The following HPSE2 variants were observed in gnomAD, a reference collection of about 807,000 sequenced individuals.
The protein encoded by HPSE2 is inactive heparanase-2.
A neutral mutation model predicts 60.5 loss-of-function variants in HPSE2; 38 were observed. That is an observed-to-expected ratio of 0.63 (90% CI 0.48 to 0.82). The LOEUF is 0.82. HPSE2 is among the 40% of genes least tolerant of loss of function. The probability of loss-of-function intolerance (pLI) is 0.00; values close to 1 mark genes in which losing one functional copy is unlikely to be tolerated. For synonymous variants in HPSE2, 295 were observed against 293.2 expected (o/e 1.01, Z -0.06); for missense variants, 713 against 740.4 (o/e 0.96, Z 0.43).
At chr10:98,780,613 C>G (rs1051263708) in intron 3 of HPSE2, among the ~76,000 whole-genome samples, 6 of 151,974 alleles carry the variant, frequency 3.9e-5, no homozygotes, top group Non-Finnish European at 8.8e-5. Flanking sequence ...GAAAGAGAAT[C>G]TAGGAGATCA....
intron 3 of HPSE2, among the ~76,000 whole-genome samples, chr10:98,986,142 C>G (rs1466343723): frequency 6.6e-6 from 1 of 152,268 alleles, no homozygotes; most frequent in Non-Finnish European, 1.5e-5. Context: ...CCAAGTGGAC[C>G]TAATAGACAT....
At chr10:99,241,580 G>T in the HPSE2 span, among the ~76,000 whole-genome samples, 1 of 152,128 alleles carries the variant, frequency 6.6e-6, no homozygotes, top group Non-Finnish European at 1.5e-5. Context: ...AACACAGTGA[G>T]ACTCTGTCTC....
At chr10:99,305,977 G>GCACACACACACA in the HPSE2 span, among the ~76,000 whole-genome samples, 436 of 53,674 alleles carry the variant, frequency 8.1e-3, 3 homozygotes, top group South Asian at 0.016. Flanking sequence ...GCGCGCGCGC[G>GCACACACACACA]CGCACACACA....
chr10:98,673,152 G>A (rs1003759246), intron 6 of HPSE2, among the ~76,000 whole-genome samples: 1 of 152,098 alleles, frequency 6.6e-6, no homozygotes, highest in Non-Finnish European at 1.5e-5. Context: ...TGTAATCTGA[G>A]GAATACAATC....
chr10:99,172,068 T>C (rs1048628722), intron 2 of HPSE2, among the ~76,000 whole-genome samples: 1 of 152,220 alleles, frequency 6.6e-6, no homozygotes, highest in Non-Finnish European at 1.5e-5. Context: ...GGAATGTACA[T>C]GTGCAGGTTT....
intron 9 of HPSE2, among the ~76,000 whole-genome samples, chr10:98,491,464 G>A (rs536788443): frequency 3.2e-4 from 48 of 152,258 alleles, no homozygotes; most frequent in African/African-American, 1.1e-3. Flanking sequence ...AAAAAGTGTT[G>A]TGGGTTTAAG....
At chr10:98,679,213 T>C (rs1474951735) in intron 6 of HPSE2, among the ~76,000 whole-genome samples, 1 of 152,176 alleles carries the variant, frequency 6.6e-6, no homozygotes, top group Non-Finnish European at 1.5e-5. Context: ...GAAAGGCAAT[T>C]AGACCTGCAG....
chr10:98,727,043 G>A (rs1202429248), intron 4 of HPSE2, among the ~76,000 whole-genome samples: 1 of 151,974 alleles, frequency 6.6e-6, no homozygotes, highest in Admixed American at 6.6e-5. Flanking sequence ...GTTGACTCAA[G>A]TGCAACCCCC....
At chr10:98,856,700 G>A (rs1952324352) in intron 3 of HPSE2, among the ~76,000 whole-genome samples, 1 of 152,142 alleles carries the variant, frequency 6.6e-6, no homozygotes, top group Admixed American at 6.5e-5. Context: ...ACTGTAAAAT[G>A]TTTAAAATGG....
intron 9 of HPSE2, among the ~76,000 whole-genome samples, chr10:98,522,930 G>C (rs1203011707): frequency 4.6e-5 from 7 of 152,192 alleles, no homozygotes; most frequent in Non-Finnish European, 1.5e-5. Context: ...TGCCAAACTG[G>C]ATCATTCCCA....
At chr10:99,309,556 G>A in the HPSE2 span, among the ~76,000 whole-genome samples, 1 of 152,132 alleles carries the variant, frequency 6.6e-6, no homozygotes, top group Non-Finnish European at 1.5e-5. Context: ...ACAGAGCAGG[G>A]TCAGCAAACG....
intron 3 of HPSE2, among the ~76,000 whole-genome samples, chr10:98,843,032 C>T (rs890122137): frequency 6.6e-6 from 1 of 152,036 alleles, no homozygotes; most frequent in Admixed American, 6.6e-5. Context: ...TAGCTCACTT[C>T]TTATTTTTTT....
chr10:98,694,186 C>T (rs1052628658), intron 5 of HPSE2, among the ~76,000 whole-genome samples: 2 of 152,124 alleles, frequency 1.3e-5, no homozygotes, highest in Admixed American at 6.5e-5. Context: ...AAATCAAAAT[C>T]CCAATAAGGC....
At chr10:99,067,558 C>T (rs1842654506) in intron 3 of HPSE2, among the ~76,000 whole-genome samples, 1 of 152,236 alleles carries the variant, frequency 6.6e-6, no homozygotes, top group Non-Finnish European at 1.5e-5. Context: ...AAGCTTAGGG[C>T]TTGTAACCTC....
At chr10:99,131,805 C>A (rs1845397090) in intron 3 of HPSE2, among the ~76,000 whole-genome samples, 2 of 151,922 alleles carry the variant, frequency 1.3e-5, no homozygotes, top group African/African-American at 2.4e-5. Flanking sequence ...ATGAGTGCAC[C>A]AAAATCTCAG....
intron 2 of HPSE2, among the ~76,000 whole-genome samples, chr10:99,196,510 AG>A (rs1355343706): frequency 6.6e-6 from 1 of 152,128 alleles, no homozygotes; most frequent in Non-Finnish European, 1.5e-5. Flanking sequence ...CAAACTCTAT[AG>A]GAAAAAAAAT....
intron 2 of HPSE2, among the ~76,000 whole-genome samples, chr10:99,167,929 G>C (rs1847148940): frequency 6.6e-6 from 1 of 151,580 alleles, no homozygotes; most frequent in African/African-American, 2.4e-5. Flanking sequence ...ACTTTTTGTA[G>C]TTTTCAGCTC....
intron 3 of HPSE2, among the ~76,000 whole-genome samples, chr10:98,983,492 GAGATTTGAA>G (rs1167245429): frequency 6.6e-6 from 1 of 152,240 alleles, no homozygotes; most frequent in East Asian, 1.9e-4. Flanking sequence ...ACAACGTATG[GAGATTTGAA>G]ATTGTCTCAA....
intron 5 of HPSE2, among the ~76,000 whole-genome samples, chr10:98,714,167 T>C (rs1948739240): frequency 6.6e-6 from 1 of 151,948 alleles, no homozygotes; most frequent in African/African-American, 2.4e-5. Context: ...GAGCTTTATC[T>C]TTTATCTTCT....
Sources: gnomAD v4.1 joint callset for allele counts (sites outside exome capture counted in the v4.1 genomes callset) on GRCh38, gnomAD v4.1.1 for gene constraint, MANE v1.5 for transcripts, NCBI Gene and HGNC (gene_info 2026-07-23, HGNC 2026-07-21) for gene names.